The following MCU variants were observed in gnomAD, a reference collection of about 807,000 sequenced individuals.
MCU encodes the protein calcium uniporter protein, mitochondrial.
MCU carries 12 observed loss-of-function variants against 45.2 expected under a neutral mutation model. That is an observed-to-expected ratio of 0.27 (90% CI 0.17 to 0.43). The LOEUF (loss-of-function observed/expected upper bound fraction) is 0.43, where lower values mean the gene tolerates loss of function less well. MCU is among the 20% of genes least tolerant of loss of function. The pLI is 1.00. For missense variants in MCU, 324 were observed against 436.7 expected (o/e 0.74, Z 2.30); for synonymous variants, 160 against 165.1 (o/e 0.97, Z 0.24).
chr10:72,800,261 A>T (rs759220591), intron 1 of MCU, among the ~76,000 whole-genome samples: 1 of 152,184 alleles, frequency 6.6e-6, no homozygotes, highest in Non-Finnish European at 1.5e-5. Flanking sequence ...TTGCTTTCTG[A>T]TGGTTCAGTG....
At chr10:72,774,714 C>T (rs1486401898) in intron 1 of MCU, among the ~76,000 whole-genome samples, 1 of 151,902 alleles carries the variant, frequency 6.6e-6, no homozygotes, top group Non-Finnish European at 1.5e-5. Flanking sequence ...ACATTCCATG[C>T]AACTGGAAAC....
chr10:72,879,058 G>C (rs1031633226), intron 6 of MCU, among the ~76,000 whole-genome samples: 3 of 152,150 alleles, frequency 2.0e-5, no homozygotes, highest in African/African-American at 4.8e-5. Flanking sequence ...GAAGCCAGGG[G>C]TTTGAGACCA....
chr10:72,693,599 C>CA, intron 1 of MCU, among the ~76,000 whole-genome samples: 1 of 152,338 alleles, frequency 6.6e-6, no homozygotes, highest in South Asian at 2.1e-4. Flanking sequence ...TAATGCTCTG[C>CA]AAAAGCAAGG....
intron 5 of MCU, among the ~76,000 whole-genome samples, chr10:72,870,601 T>C (rs1228948964): frequency 6.6e-6 from 1 of 152,180 alleles, no homozygotes; most frequent in Non-Finnish European, 1.5e-5. Context: ...TTTTCTTATT[T>C]AATCTTTGGA....
chr10:72,858,597 C>G (rs1459150702), intron 2 of MCU, among the ~76,000 whole-genome samples: 2 of 152,140 alleles, frequency 1.3e-5, no homozygotes, highest in Non-Finnish European at 2.9e-5. Context: ...TGGCTGAGAA[C>G]TTAGCTTTAA....
At position 72,838,503 on chromosome 10, in the gene MCU, TG is replaced by T. The variant is rs756013796; in HGVS notation, c.220+4078del. Among the ~76,000 whole-genome samples, 6 of 152,082 alleles carry T rather than the reference TG, an allele frequency of 3.9e-5. No individual in the cohort carries two copies. The South Asian group carries it at 6.2e-4, about 16-fold the overall frequency. ...GCATGTGCCTGTTGTCCCAGCTACT[TG>T]GGAGGCTAAGGTGGGAGGATTGCTT... is the stretch of plus-strand genomic sequence containing the variant. On this transcript the variant is annotated intron_variant, in intron 2 of 7. Transcript: ENST00000373053.
At chr10:72,790,213 A>G (rs1305869990) in intron 1 of MCU, among the ~76,000 whole-genome samples, 3 of 152,220 alleles carry the variant, frequency 2.0e-5, no homozygotes, top group East Asian at 1.9e-4. Context: ...GTCTAGGTCT[A>G]GTATCTGTTT....
chr10:72,782,473 C>T (rs201605717), intron 1 of MCU, among the ~76,000 whole-genome samples: 2 of 152,198 alleles, frequency 1.3e-5, no homozygotes, highest in African/African-American at 2.4e-5. Flanking sequence ...TGGGTTCAAG[C>T]GATTCTCATG....
At chr10:72,791,459 A>G (rs2132764979) in intron 1 of MCU, among the ~76,000 whole-genome samples, 1 of 152,282 alleles carries the variant, frequency 6.6e-6, no homozygotes, top group Non-Finnish European at 1.5e-5. Flanking sequence ...TTTTTATGTC[A>G]GTCCTTGGAT....
intron 6 of MCU, among the ~76,000 whole-genome samples, chr10:72,877,167 G>C (rs1323457847): frequency 6.6e-6 from 1 of 151,864 alleles, no homozygotes; most frequent in Non-Finnish European, 1.5e-5. Flanking sequence ...GTGATCCTCC[G>C]CCTCAGCCTC....
At chr10:72,851,835 G>T (rs1845211618) in intron 2 of MCU, among the ~76,000 whole-genome samples, 3 of 152,126 alleles carry the variant, frequency 2.0e-5, no homozygotes. Context: ...TTTGGGGGAA[G>T]GCATATTATT....
At chr10:72,778,694 T>C (rs1402271568) in intron 1 of MCU, among the ~76,000 whole-genome samples, 3 of 152,144 alleles carry the variant, frequency 2.0e-5, no homozygotes, top group African/African-American at 4.8e-5. Context: ...TTAAAAAATA[T>C]CATGCATGGA....
intron 2 of MCU, among the ~76,000 whole-genome samples, chr10:72,837,704 G>A (rs1844974623): frequency 6.6e-6 from 1 of 152,020 alleles, no homozygotes; most frequent in South Asian, 2.1e-4. Flanking sequence ...TGGTTATATG[G>A]TTTATACTTA....
At chr10:72,845,596 T>C (rs567082768) in intron 2 of MCU, among the ~76,000 whole-genome samples, 1 of 152,306 alleles carries the variant, frequency 6.6e-6, no homozygotes, top group African/African-American at 2.4e-5. Flanking sequence ...CACAGTAACA[T>C]GGTATACAGG....
chr10:72,790,839 G>A (rs1012445306), intron 1 of MCU, among the ~76,000 whole-genome samples: 2 of 152,146 alleles, frequency 1.3e-5, no homozygotes, highest in African/African-American at 4.8e-5. Context: ...TCTCATTCCA[G>A]TATTTATTTT....
intron 1 of MCU, among the ~76,000 whole-genome samples, chr10:72,701,455 C>T (rs1388508534): frequency 6.6e-6 from 1 of 152,096 alleles, no homozygotes; most frequent in Non-Finnish European, 1.5e-5. Context: ...CCTTTCTGCT[C>T]CTTTAGCATG....
rs113258544 is a variant in MCU, at chr10:72,716,013, C to T, written c.150+23712C>T. On this transcript the variant is annotated intron_variant, in intron 1 of 7. Transcript: ENST00000373053. ...TCTATGTTGCCAGTTGATTTTTCTG[C>T]CCCCTGTTACTGTAGAACAGGCGTT... is the stretch of plus-strand genomic sequence containing the variant. The T allele has an allele frequency of 2.9e-3, 1,082 of 373,698 alleles. 10 individuals carry two copies. Among genetic ancestry groups the T allele is most frequent in the African/African-American group, 0.022 (1,027 of 45,656 alleles). 23.1% of individuals were successfully genotyped at this position (373,698 alleles called of 1,614,324 possible). A position where few individuals can be genotyped will look rare whatever the true frequency, so the allele number is the denominator to read the frequency against.
At chr10:72,711,547 TA>T (rs199631324) in intron 1 of MCU, among the ~76,000 whole-genome samples, 172 of 140,968 alleles carry the variant, frequency 1.2e-3, no homozygotes, top group Non-Finnish European at 9.5e-4. Context: ...TCTTAATACT[TA>T]AAAAAAAAAA....
At chr10:72,739,739 C>A (rs1234401471) in intron 1 of MCU, among the ~76,000 whole-genome samples, 1 of 149,886 alleles carries the variant, frequency 6.7e-6, no homozygotes, top group Non-Finnish European at 1.5e-5. Context: ...TTCAGTGGTG[C>A]GATCTCAGCT....
Sources: allele counts gnomAD v4.1 joint callset (sites outside exome capture counted in the v4.1 genomes callset), GRCh38; gene constraint gnomAD v4.1.1; transcripts MANE v1.5; gene names NCBI Gene and HGNC (gene_info 2026-07-23, HGNC 2026-07-21).